Variants in CTNND2 observed in about 807,000 individuals in gnomAD.
CTNND2 encodes the protein catenin delta 2, also known as catenin delta-2.
CTNND2 carries 22 observed loss-of-function variants against 144.4 expected under a neutral mutation model. That is an observed-to-expected ratio of 0.15 (90% CI 0.11 to 0.22). CTNND2 has a LOEUF of 0.22. Among genes scored for constraint, CTNND2 ranks in the 10% least tolerant of loss-of-function variants. The pLI is 1.00. For missense variants in CTNND2, 1,353 were observed against 1,618.8 expected (o/e 0.84, Z 2.82); for synonymous variants, 751 against 695.6 (o/e 1.08, Z -1.25).
At chr5:11,172,909 C>T (rs987908972) in intron 11 of CTNND2, among the ~76,000 whole-genome samples, 1 of 152,190 alleles carries the variant, frequency 6.6e-6, no homozygotes, top group Non-Finnish European at 1.5e-5. Flanking sequence ...AAGGACTATA[C>T]AGTGGAAGTG....
At chr5:11,186,592 T>C (rs1735652389) in intron 11 of CTNND2, among the ~76,000 whole-genome samples, 1 of 152,228 alleles carries the variant, frequency 6.6e-6, no homozygotes, top group African/African-American at 2.4e-5. Context: ...AACACATCCA[T>C]GTCTCCTAAT....
chr5:11,679,414 T>C (rs1044938067), intron 2 of CTNND2, among the ~76,000 whole-genome samples: 1 of 152,208 alleles, frequency 6.6e-6, no homozygotes, highest in Non-Finnish European at 1.5e-5. Flanking sequence ...AATGCTGTAA[T>C]TCATTGAAGT....
intron 3 of CTNND2, among the ~76,000 whole-genome samples, chr5:11,419,006 ATATC>A (rs1762126362): frequency 6.7e-6 from 1 of 149,390 alleles, no homozygotes; most frequent in Non-Finnish European, 1.5e-5. Context: ...CTATATATAT[ATATC>A]TATATAGATG....
At chr5:11,822,933 C>T (rs965740702) in intron 1 of CTNND2, among the ~76,000 whole-genome samples, 4 of 152,018 alleles carry the variant, frequency 2.6e-5, no homozygotes, top group Non-Finnish European at 4.4e-5. Context: ...CACACAGAAA[C>T]CATAAGATAA....
chr5:11,798,056 G>A lies in CTNND2; in HGVS notation c.38-65784C>T, dbSNP rs143298533. 5.8e-3 allele frequency among the ~76,000 whole-genome samples: 880 copies of A among 151,890 alleles called. 5 individuals carry two copies. Among genetic ancestry groups the A allele is most frequent in the Non-Finnish European group, 9.4e-3 (636 of 67,948 alleles). On this transcript the variant is annotated intron_variant, in intron 1 of 21. Transcript: ENST00000304623. ...GCAGATCACCTGAGGTGAGGAGTTC[G>A]AGACCAGCCTGGCCAACATGATGAA...
At chr5:11,786,453 C>A (rs537217550) in intron 1 of CTNND2, among the ~76,000 whole-genome samples, 16 of 152,218 alleles carry the variant, frequency 1.1e-4, no homozygotes, top group African/African-American at 3.9e-4. Flanking sequence ...AGGTATCTAA[C>A]CCAGAAAACT....
chr5:11,412,095 T>C (rs759601455), intron 3 of CTNND2, 26 bp from the exon 4 acceptor site: 87 of 1,588,422 alleles, frequency 5.5e-5, no homozygotes, highest in Non-Finnish European at 7.2e-5. Context: ...TACAGAGATA[T>C]AATGCATTGA....
chr5:11,760,521 A>G (rs996540664), intron 1 of CTNND2, among the ~76,000 whole-genome samples: 3 of 152,182 alleles, frequency 2.0e-5, no homozygotes, highest in Non-Finnish European at 2.9e-5. Context: ...CCTTTAAGAT[A>G]AGCCACTGAA....
At chr5:11,847,142 A>C (rs1313300508) in intron 1 of CTNND2, among the ~76,000 whole-genome samples, 6 of 58,208 alleles carry the variant, frequency 1.0e-4, no homozygotes, top group African/African-American at 4.5e-4. Flanking sequence ...ATATATATAT[A>C]TATATATATA....
chr5:11,717,454 GTAA>G (rs1786417271), intron 2 of CTNND2, among the ~76,000 whole-genome samples: 1 of 151,608 alleles, frequency 6.6e-6, no homozygotes, highest in African/African-American at 2.4e-5. Flanking sequence ...GCAGGCACCT[GTAA>G]TCCCAGCTAC....
At chr5:11,176,609 A>G (rs1042510901) in intron 11 of CTNND2, among the ~76,000 whole-genome samples, 1 of 152,100 alleles carries the variant, frequency 6.6e-6, no homozygotes, top group African/African-American at 2.4e-5. Context: ...CTATTGAACT[A>G]TCTAGTAGCT....
At chr5:11,711,754 A>G (rs571178154) in intron 2 of CTNND2, among the ~76,000 whole-genome samples, 15 of 152,334 alleles carry the variant, frequency 9.8e-5, no homozygotes, top group African/African-American at 3.6e-4. Flanking sequence ...TATGGATAAC[A>G]TTCACATCTT....
intron 3 of CTNND2, among the ~76,000 whole-genome samples, chr5:11,502,027 CAA>C (rs547364682): frequency 0.073 from 4,095 of 56,148 alleles, 99 homozygotes; most frequent in African/African-American, 0.18. Context: ...GACTCCATCT[CAA>C]AAAAAAAAAA....
intron 2 of CTNND2, among the ~76,000 whole-genome samples, chr5:11,646,149 G>A (rs1782335152): frequency 6.6e-6 from 1 of 151,688 alleles, no homozygotes; most frequent in Admixed American, 6.6e-5. Context: ...GAGCCCATGG[G>A]CCCTCCCTCT....
At chr5:11,361,270 C>G (rs181513449) in intron 8 of CTNND2, among the ~76,000 whole-genome samples, 42 of 152,308 alleles carry the variant, frequency 2.8e-4, no homozygotes, top group African/African-American at 9.6e-4. Context: ...ATCTACCCAC[C>G]TCGGCCTCCC....
chr5:11,615,335 T>A (rs1488932722), intron 2 of CTNND2, among the ~76,000 whole-genome samples: 1 of 152,232 alleles, frequency 6.6e-6, no homozygotes, highest in Non-Finnish European at 1.5e-5. Flanking sequence ...TAATTATTTG[T>A]ATACAGTCCC....
intron 3 of CTNND2, among the ~76,000 whole-genome samples, chr5:11,491,122 A>C (rs1032530611): frequency 1.3e-5 from 2 of 152,230 alleles, no homozygotes; most frequent in Non-Finnish European, 2.9e-5. Flanking sequence ...ACACAGAGTG[A>C]AGTTTTAGAA....
At chr5:11,408,685 T>G (rs1046003783) in intron 5 of CTNND2, among the ~76,000 whole-genome samples, 1 of 152,242 alleles carries the variant, frequency 6.6e-6, no homozygotes. Flanking sequence ...ACCAAATATA[T>G]GTGGAAAGAC....
At chr5:11,185,349 T>A (rs955902957) in intron 11 of CTNND2, among the ~76,000 whole-genome samples, 1 of 152,204 alleles carries the variant, frequency 6.6e-6, no homozygotes, top group Non-Finnish European at 1.5e-5. Flanking sequence ...CATTTCCATA[T>A]GCTCTTGTCT....
Sources: gnomAD v4.1 joint callset for allele counts (sites outside exome capture counted in the v4.1 genomes callset) on GRCh38, gnomAD v4.1.1 for gene constraint, MANE v1.5 for transcripts, NCBI Gene and HGNC (gene_info 2026-07-23, HGNC 2026-07-21) for gene names.